GRIA1: variants seen among roughly 807,000 people sequenced by gnomAD.
The protein encoded by GRIA1 is glutamate ionotropic receptor AMPA type subunit 1.
In GRIA1, 31 loss-of-function variants were observed where a neutral mutation model predicts 99.2. The observed-to-expected ratio is 0.31, with a 90% confidence interval of 0.23 to 0.42. The LOEUF is 0.42. Among genes scored for constraint, GRIA1 ranks in the 10% least tolerant of loss-of-function variants. The pLI, the probability that GRIA1 is intolerant of heterozygous loss-of-function variation, is 1.00. For synonymous variants in GRIA1, 438 were observed against 432.4 expected, an observed-to-expected ratio of 1.01 and a Z score of -0.16; for missense variants, 782 against 1,157.5, an observed-to-expected ratio of 0.68 and a Z score of 4.71.
intron 2 of GRIA1, among the ~76,000 whole-genome samples, chr5:153,583,369 C>T (rs971228171): frequency 1.3e-5 from 2 of 152,146 alleles, no homozygotes; most frequent in Admixed American, 1.3e-4. Context: ...GAAAGTGTTG[C>T]TAGGGCTGTG....
At chr5:153,622,276 A>G (rs988502593) in intron 2 of GRIA1, among the ~76,000 whole-genome samples, 4 of 152,180 alleles carry the variant, frequency 2.6e-5, no homozygotes, top group African/African-American at 9.7e-5. Flanking sequence ...GGAGAGACCT[A>G]CTTTGGTCCT....
chr5:153,794,532 G>A, intron 13 of GRIA1, 89 bp from the exon 14 acceptor site: 4 of 857,638 alleles, frequency 4.7e-6, no homozygotes, highest in Non-Finnish European at 7.9e-6. Context: ...GCTGGGTAAT[G>A]GAGCTGATTC....
chr5:153,576,990 G>A (rs1000939985), intron 2 of GRIA1, among the ~76,000 whole-genome samples: 71 of 115,878 alleles, frequency 6.1e-4, no homozygotes, highest in Admixed American at 1.9e-3. Context: ...GGATGGGTGA[G>A]TGGATGAATG....
At chr5:153,696,009 A>G (rs999891292) in intron 8 of GRIA1, among the ~76,000 whole-genome samples, 1 of 152,152 alleles carries the variant, frequency 6.6e-6, no homozygotes, top group African/African-American at 2.4e-5. Flanking sequence ...AGCACCATGG[A>G]GAGATGGGGA....
chr5:153,567,989 T>A (rs1013342446), intron 2 of GRIA1, among the ~76,000 whole-genome samples: 1 of 152,170 alleles, frequency 6.6e-6, no homozygotes, highest in African/African-American at 2.4e-5. Flanking sequence ...AAGCTGTAGA[T>A]TTGGGGTTTT....
chr5:153,676,442 AGG>A (rs1455788066), intron 6 of GRIA1, among the ~76,000 whole-genome samples: 1 of 152,208 alleles, frequency 6.6e-6, no homozygotes, highest in African/African-American at 2.4e-5. Context: ...GAAAGTTTAC[AGG>A]ATATAAACTT....
At chr5:153,724,134 A>G (rs1239248382) in intron 11 of GRIA1, among the ~76,000 whole-genome samples, 2 of 152,218 alleles carry the variant, frequency 1.3e-5, no homozygotes, top group African/African-American at 2.4e-5. Flanking sequence ...CCAGGCAAAC[A>G]GGGTCTGGAG....
chr5:153,664,688 A>G (rs968890092), intron 5 of GRIA1, among the ~76,000 whole-genome samples: 4 of 152,148 alleles, frequency 2.6e-5, no homozygotes, highest in Admixed American at 2.0e-4. Context: ...CTACATTTCT[A>G]TGTATAGCAT....
intron 15 of GRIA1, among the ~76,000 whole-genome samples, chr5:153,804,711 T>TAA: frequency 1.8e-5 from 1 of 55,460 alleles, no homozygotes; most frequent in Middle Eastern, 8.2e-3. Context: ...TCTCTGATCC[T>TAA]TATTAATTAA....
At chr5:153,551,386 G>A (rs902055494) in intron 2 of GRIA1, among the ~76,000 whole-genome samples, 5 of 151,860 alleles carry the variant, frequency 3.3e-5, no homozygotes, top group African/African-American at 9.7e-5. Context: ...GCAGGCCTAT[G>A]ATTCCTAAAG....
chr5:153,575,667 C>T (rs1353228794), intron 2 of GRIA1, among the ~76,000 whole-genome samples: 1 of 152,202 alleles, frequency 6.6e-6, no homozygotes, highest in African/African-American at 2.4e-5. Flanking sequence ...ACTAGAACTC[C>T]ACTGATTCCA....
chr5:153,513,112 A>G (rs1756264499), intron 2 of GRIA1, among the ~76,000 whole-genome samples: 1 of 152,164 alleles, frequency 6.6e-6, no homozygotes, highest in Non-Finnish European at 1.5e-5. Context: ...TCACCATTCC[A>G]TAGTATTTGG....
intron 11 of GRIA1, among the ~76,000 whole-genome samples, chr5:153,715,290 T>A (rs1759592724): frequency 6.6e-6 from 1 of 151,954 alleles, no homozygotes; most frequent in Admixed American, 6.6e-5. Context: ...ATTATGCCTT[T>A]ATTGTTCCCT....
At chr5:153,793,363 C>T (rs999324989) in intron 13 of GRIA1, among the ~76,000 whole-genome samples, 7 of 152,144 alleles carry the variant, frequency 4.6e-5, no homozygotes, top group African/African-American at 1.7e-4. Flanking sequence ...CCTCCTTCAT[C>T]GTATTACTGC....
chr5:153,726,339 G>A (rs1459075101), intron 11 of GRIA1, among the ~76,000 whole-genome samples: 1 of 148,502 alleles, frequency 6.7e-6, no homozygotes, highest in Non-Finnish European at 1.5e-5. Context: ...AACTAGAAAA[G>A]CAAGAGCAAA....
chr5:153,808,531 G>T (rs967143143), intron 15 of GRIA1, among the ~76,000 whole-genome samples: 6 of 152,142 alleles, frequency 3.9e-5, no homozygotes, highest in African/African-American at 1.4e-4. Flanking sequence ...AGATCATGTG[G>T]TTCAACTTTG....
chr5:153,767,618 AC>A (rs1763602383), intron 12 of GRIA1, among the ~76,000 whole-genome samples: 1 of 152,062 alleles, frequency 6.6e-6, no homozygotes, highest in Non-Finnish European at 1.5e-5. Flanking sequence ...GTTACCTACC[AC>A]CCCCACAAGG....
rs1455080049 is a variant in GRIA1 at position 153,498,568 on chromosome 5, C to T, written c.220+4503C>T. ...TCTGTCATGGACCTACTGGGGAAGC[C>T]CAGGGGCTTCCTAACAAGACATTAG... On this transcript the variant is annotated intron_variant, in intron 2 of 15. Coordinates refer to ENST00000285900, the MANE Select transcript of GRIA1 (RefSeq NM_000827.4). 2.0e-5 allele frequency among the ~76,000 whole-genome samples: 3 copies of T among 152,262 alleles called. No homozygotes were observed. The East Asian group carries it at 5.8e-4, about 29-fold the overall frequency.
intron 2 of GRIA1, among the ~76,000 whole-genome samples, chr5:153,608,881 C>A (rs953657052): frequency 6.6e-6 from 1 of 151,962 alleles, no homozygotes; most frequent in Non-Finnish European, 1.5e-5. Flanking sequence ...TATCTTTTTC[C>A]CTAGTAGATA....
Sources: allele counts gnomAD v4.1 joint callset (sites outside exome capture counted in the v4.1 genomes callset), GRCh38; gene constraint gnomAD v4.1.1; transcripts MANE v1.5; gene names NCBI Gene and HGNC (gene_info 2026-07-23, HGNC 2026-07-21).